Variants in SULT2A1 observed in about 807,000 individuals in gnomAD.
SULT2A1 encodes the protein sulfotransferase family 2A member 1.
In SULT2A1, 43 loss-of-function variants were observed where a neutral mutation model predicts 33.9. The ratio of observed to expected loss-of-function variants is 1.27; its 90% CI spans 1.00 to 1.64. The LOEUF is 1.64. Among genes scored for constraint, SULT2A1 ranks in the 40% most tolerant of loss-of-function variants. The pLI is 0.00. For synonymous variants in SULT2A1, 125 were observed against 113.6 expected (o/e 1.10, Z -0.64); for missense variants, 300 against 335.1 (o/e 0.90, Z 0.82).
At position 47,886,295 on chromosome 19, in the gene SULT2A1, C is replaced by T; in HGVS notation, c.-38G>A. 6.2e-7 allele frequency: 1 copy of T among 1,610,552 alleles called. No individual in the cohort carries two copies. Among genetic ancestry groups the T allele is most frequent in the Non-Finnish European group, 8.5e-7 (1 of 1,178,038 alleles). On this transcript the variant is annotated 5_prime_UTR_variant, in exon 1 of 6. Transcript: ENST00000222002. ...TTCCTGCGTGGTGTGAGGGTTTCAA[C>T]TGTAGCCACCGCTGGAGGCTGTGGC...
intron 3 of SULT2A1, among the ~76,000 whole-genome samples, chr19:47,879,670 A>C (rs1035473019): frequency 2.0e-5 from 3 of 151,538 alleles, no homozygotes; most frequent in African/African-American, 4.8e-5. Flanking sequence ...TGAGCAAACT[A>C]TCGCAAGGAC....
At chr19:47,876,933 T>C (rs1968550589) in intron 4 of SULT2A1, among the ~76,000 whole-genome samples, 1 of 150,558 alleles carries the variant, frequency 6.6e-6, no homozygotes, top group Admixed American at 6.6e-5. Flanking sequence ...AAAAATTAGC[T>C]GGGCATGGCG....
At chr19:47,881,118 C>T (rs1968599212) in intron 3 of SULT2A1, among the ~76,000 whole-genome samples, 1 of 152,074 alleles carries the variant, frequency 6.6e-6, no homozygotes, top group Non-Finnish European at 1.5e-5. Context: ...TCACTGCCAC[C>T]TCTACCTCCT....
chr19:47,876,626 C>T (rs1426747969), intron 4 of SULT2A1, among the ~76,000 whole-genome samples: 1 of 151,796 alleles, frequency 6.6e-6, no homozygotes, highest in Non-Finnish European at 1.5e-5. Flanking sequence ...AAAAATTAGC[C>T]AGGTGTTGTA....
At chr19:47,878,612 G>C (rs1358593528) in intron 4 of SULT2A1, among the ~76,000 whole-genome samples, 1 of 149,438 alleles carries the variant, frequency 6.7e-6, no homozygotes, top group African/African-American at 2.5e-5. Flanking sequence ...CACCTCCCAG[G>C]TTCAAGCGAT....
chr19:47,884,447 G>A (rs953354212), intron 1 of SULT2A1, among the ~76,000 whole-genome samples: 2 of 149,238 alleles, frequency 1.3e-5, no homozygotes, highest in African/African-American at 4.9e-5. Context: ...CCAAGTGCTG[G>A]GATTACAGGC....
At chr19:47,883,914 T>G (rs1196811897) in intron 1 of SULT2A1, 129 bp from the exon 2 acceptor site, 8 of 788,330 alleles carry the variant, frequency 1.0e-5, no homozygotes, top group Non-Finnish European at 1.6e-5. Flanking sequence ...CAGAATAGCC[T>G]GGCCAAGATG....
Position 47,871,198 on chromosome 19 carries a change from G to A in SULT2A1, c.*257C>T, listed in dbSNP as rs10416994. 6.4e-5 allele frequency: 23 copies of A among 360,910 alleles called. No individual in the cohort carries two copies. Among genetic ancestry groups the A allele is most frequent in the African/African-American group, 4.7e-4 (22 of 46,982 alleles). 22.4% of individuals were successfully genotyped at this position (360,910 alleles called of 1,614,324 possible). A position where few individuals can be genotyped will look rare whatever the true frequency, so the allele number is the denominator to read the frequency against. On this transcript the variant is annotated 3_prime_UTR_variant, in exon 6 of 6. Coordinates refer to ENST00000222002, the MANE Select transcript of SULT2A1 (RefSeq NM_003167.4). ...GTAGAGATGGGGTTTCACCGTGTTA[G>A]CCAGGATGGTCTCAGTCTCCTGACC... is the stretch of plus-strand genomic sequence containing the variant.
At chr19:47,877,552 CT>C (rs565116311) in intron 4 of SULT2A1, among the ~76,000 whole-genome samples, 442 of 137,316 alleles carry the variant, frequency 3.2e-3, no homozygotes, top group Middle Eastern at 4.2e-3. Flanking sequence ...CTTTTTCTTT[CT>C]TTTTTTTTTT....
At chr19:47,877,396 G>C (rs535712002) in intron 4 of SULT2A1, among the ~76,000 whole-genome samples, 1 of 150,910 alleles carries the variant, frequency 6.6e-6, no homozygotes, top group Non-Finnish European at 1.5e-5. Context: ...ACAACACCAC[G>C]CCTGGCTAAT....
Position 47,883,709 on chromosome 19 carries a change from G to A in SULT2A1, c.213C>T (p.Ile71=). 1 of 1,614,132 alleles carries A rather than the reference G, an allele frequency of 6.2e-7. No individual in the cohort carries two copies. Among genetic ancestry groups the A allele is most frequent in the Non-Finnish European group, 8.5e-7 (1 of 1,180,022 alleles). The change falls in exon 2 of 6, where the codon ATC becomes ATT. Residue 71 remains isoleucine (I), a synonymous_variant. Transcript: ENST00000222002. ...TCTCTACCCAGGGTGATCGCTCCCA[G>A]ATGGGCACAGATTGGATCCACTTGG... ...GDAKWIQSVP[I]WERSPWVESE... is the part of the protein sequence containing the mutation.
chr19:47,880,789 T>G (rs1321824292), intron 3 of SULT2A1, among the ~76,000 whole-genome samples: 1 of 152,042 alleles, frequency 6.6e-6, no homozygotes, highest in Non-Finnish European at 1.5e-5. Flanking sequence ...GGCTTTGCCA[T>G]GTTGGCCAGG....
At chr19:47,875,209 A>C (rs1968532542) in intron 4 of SULT2A1, among the ~76,000 whole-genome samples, 1 of 150,072 alleles carries the variant, frequency 6.7e-6, no homozygotes, top group African/African-American at 2.4e-5. Flanking sequence ...TAAGATGAGA[A>C]GGAGGGAACC....
At chr19:47,876,343 G>T (rs1481104585) in intron 4 of SULT2A1, among the ~76,000 whole-genome samples, 2 of 152,188 alleles carry the variant, frequency 1.3e-5, no homozygotes, top group East Asian at 3.9e-4. Flanking sequence ...TAACCAGAAG[G>T]ACTTTGCTTT....
At chr19:47,874,596 G>T in intron 5 of SULT2A1, 61 bp downstream of exon 5, 3 of 1,217,684 alleles carry the variant, frequency 2.5e-6, no homozygotes, top group South Asian at 2.7e-5. Context: ...GCCCAGTTGT[G>T]ACCATAGGCA....
At chr19:47,871,777 C>T (rs1374222681) in intron 5 of SULT2A1, among the ~76,000 whole-genome samples, 1 of 152,164 alleles carries the variant, frequency 6.6e-6, no homozygotes, top group Non-Finnish European at 1.5e-5. Context: ...TACAATTCCT[C>T]AGCAATAACG....
intron 4 of SULT2A1, among the ~76,000 whole-genome samples, chr19:47,875,975 C>T (rs946706168): frequency 1.3e-5 from 2 of 152,118 alleles, no homozygotes; most frequent in African/African-American, 4.8e-5. Context: ...GGACTAGGTA[C>T]ATGATCCTGG....
At chr19:47,874,606 A>C in intron 5 of SULT2A1, 51 bp downstream of exon 5, 12 of 1,396,194 alleles carry the variant, frequency 8.6e-6, no homozygotes, top group South Asian at 1.2e-5. Context: ...GACCATAGGC[A>C]TGCATGCCGT....
chr19:47,874,166 ACCTACAG>A (rs1272851924), intron 5 of SULT2A1, among the ~76,000 whole-genome samples: 2 of 152,086 alleles, frequency 1.3e-5, no homozygotes, highest in Non-Finnish European at 2.9e-5. Context: ...TTCCCCACCC[ACCTACAG>A]CCCACATCAG....
Sources: gnomAD v4.1 joint callset for allele counts (sites outside exome capture counted in the v4.1 genomes callset) on GRCh38, gnomAD v4.1.1 for gene constraint, MANE v1.5 for transcripts, NCBI Gene and HGNC (gene_info 2026-07-23, HGNC 2026-07-21) for gene names.